The following PCDH15 variants were observed in gnomAD, a reference collection of about 807,000 sequenced individuals.
PCDH15 encodes protocadherin-15.
PCDH15 carries 129 observed loss-of-function variants against 178.5 expected under a neutral mutation model. The ratio of observed to expected loss-of-function variants is 0.72; its 90% confidence interval spans 0.63 to 0.84. The LOEUF (loss-of-function observed/expected upper bound fraction) is 0.84. Among genes scored for constraint, PCDH15 ranks in the 40% least tolerant of loss-of-function variants. The pLI, the probability that PCDH15 is intolerant of heterozygous loss-of-function variation, is 0.00. For synonymous variants in PCDH15, 800 were observed against 732.0 expected (o/e 1.09, Z -1.50); for missense variants, 2,230 against 2,099.9 (o/e 1.06, Z -1.21).
In PCDH15 at chr10:54,245,084, G is replaced by A. The variant is rs1005436724; in HGVS notation, c.877-8153C>T. Among the ~76,000 whole-genome samples the A allele has an allele frequency of 2.6e-5, 4 of 152,114 alleles. No individual in the cohort carries two copies. In the East Asian group the frequency reaches 7.8e-4, roughly 30 times the overall value. On this transcript the variant is annotated intron_variant, in intron 8 of 37. Transcript: ENST00000644397. ...GCAGGGACTGTGTGAGCACTCCCTA[G>A]GTTTTTCACCCTCAATCTCTCCATA...
chr10:55,155,275 T>C (rs1332171289), intron 2 of PCDH15, among the ~76,000 whole-genome samples: 5 of 151,540 alleles, frequency 3.3e-5, no homozygotes, highest in Non-Finnish European at 7.4e-5. Flanking sequence ...TCTCTCTGTT[T>C]ACTTTCTTAT....
Position 53,805,566 on chromosome 10 carries a change from G to GAAGT in PCDH15, c.*1009_*1012dup, listed in dbSNP as rs1260458985. The GAAGT allele has an allele frequency of 6.6e-5, 10 of 152,058 alleles. No individual in the cohort carries two copies. The highest frequency in any genetic ancestry group is 1.0e-4 in the Non-Finnish European group (7 of 67,978). The allele number at this position is 152,058 out of a possible 1,614,324, so 9.4% of individuals were successfully genotyped here. A position where few individuals can be genotyped will look rare whatever the true frequency, so the allele number is the denominator to read the frequency against. On this transcript the variant is annotated 3_prime_UTR_variant, in exon 38 of 38. Transcript: ENST00000644397. ...TTCTATAAATAACCTGAAAATGGAA[G>GAAGT]AAGTTAAACACAACATTTGAAGTTA... is the stretch of plus-strand genomic sequence containing the variant.
intron 2 of PCDH15, among the ~76,000 whole-genome samples, chr10:54,577,896 A>G (rs1049792580): frequency 6.7e-6 from 1 of 149,608 alleles, no homozygotes; most frequent in Non-Finnish European, 1.5e-5. Context: ...ATAAATAAAT[A>G]TTCCTCTTCC....
At chr10:55,007,481 T>A (rs1419049718) in intron 2 of PCDH15, among the ~76,000 whole-genome samples, 1 of 152,186 alleles carries the variant, frequency 6.6e-6, no homozygotes, top group African/African-American at 2.4e-5. Flanking sequence ...GATAAACTAA[T>A]ATTGTCAAAA....
chr10:54,250,610 CTAG>C (rs1186590013), intron 8 of PCDH15, among the ~76,000 whole-genome samples: 1 of 152,004 alleles, frequency 6.6e-6, no homozygotes, highest in East Asian at 1.9e-4. Context: ...CAGGTTTTCT[CTAG>C]TAGAAGAGAG....
At chr10:54,482,573 A>G (rs982727422) in intron 3 of PCDH15, among the ~76,000 whole-genome samples, 3 of 151,766 alleles carry the variant, frequency 2.0e-5, no homozygotes, top group African/African-American at 7.2e-5. Flanking sequence ...CTTGCACCTC[A>G]ATTTCTCAGA....
intron 2 of PCDH15, among the ~76,000 whole-genome samples, chr10:55,082,199 T>C (rs898821530): frequency 2.6e-5 from 4 of 151,914 alleles, no homozygotes; most frequent in African/African-American, 9.7e-5. Flanking sequence ...CTTTAAAAAT[T>C]CAAAAAATTA....
intron 6 of PCDH15, among the ~76,000 whole-genome samples, chr10:54,343,410 C>T (rs1277702230): frequency 6.6e-6 from 1 of 151,964 alleles, no homozygotes. Context: ...TGTAAGTTTC[C>T]TGAGGCCTTC....
At chr10:54,518,426 C>G (rs1334766811) in intron 3 of PCDH15, among the ~76,000 whole-genome samples, 1 of 152,120 alleles carries the variant, frequency 6.6e-6, no homozygotes, top group Non-Finnish European at 1.5e-5. Context: ...GAGAATACTA[C>G]AAACACCTCT....
chr10:55,589,273 T>G (rs1842789045), intron 2 of PCDH15, among the ~76,000 whole-genome samples: 2 of 152,112 alleles, frequency 1.3e-5, no homozygotes, highest in Non-Finnish European at 1.5e-5. Context: ...TTTCTACATA[T>G]GGCTAGCCAG....
intron 37 of PCDH15, chr10:53,809,263 A>G (rs1192098156): frequency 3.2e-5 from 52 of 1,613,910 alleles, no homozygotes; most frequent in Non-Finnish European, 4.4e-5. Flanking sequence ...CTCTGATTCT[A>G]CAGTGCTTTC....
intron 2 of PCDH15, among the ~76,000 whole-genome samples, chr10:55,492,840 A>G (rs1840448322): frequency 6.6e-6 from 1 of 151,824 alleles, no homozygotes; most frequent in Non-Finnish European, 1.5e-5. Context: ...AATGTCTTAC[A>G]AAATATATGC....
intron 2 of PCDH15, among the ~76,000 whole-genome samples, chr10:55,520,200 G>A (rs1281516401): frequency 1.8e-4 from 6 of 32,656 alleles, no homozygotes; most frequent in Non-Finnish European, 3.3e-4. Flanking sequence ...ATATATACAC[G>A]CAATGTGTAT....
At chr10:55,130,672 C>T (rs1306769855) in intron 2 of PCDH15, among the ~76,000 whole-genome samples, 1 of 129,362 alleles carries the variant, frequency 7.7e-6, no homozygotes, top group Non-Finnish European at 1.6e-5. Flanking sequence ...TGTATAAACA[C>T]ACATACACGT....
chr10:55,255,525 C>A (rs1386386124), intron 1 of PCDH15, among the ~76,000 whole-genome samples: 1 of 152,208 alleles, frequency 6.6e-6, no homozygotes, highest in Non-Finnish European at 1.5e-5. Flanking sequence ...GAGGAATCGC[C>A]ACACTGACTT....
At chr10:54,102,455 C>A (rs2094830248) in intron 15 of PCDH15, among the ~76,000 whole-genome samples, 1 of 152,188 alleles carries the variant, frequency 6.6e-6, no homozygotes, top group Non-Finnish European at 1.5e-5. Context: ...ATTGGAGTCA[C>A]CACTTCATTA....
At chr10:55,298,579 C>T (rs1345175914) in intron 1 of PCDH15, among the ~76,000 whole-genome samples, 3 of 151,756 alleles carry the variant, frequency 2.0e-5, no homozygotes, top group South Asian at 4.2e-4. Context: ...TGGATAGTGT[C>T]GACTTATTTA....
At chr10:53,966,981 G>T (rs1216588394) in intron 21 of PCDH15, among the ~76,000 whole-genome samples, 1 of 152,008 alleles carries the variant, frequency 6.6e-6, no homozygotes, top group Non-Finnish European at 1.5e-5. Flanking sequence ...ATAGCTCACT[G>T]CAGCTCACAC....
At chr10:54,961,646 C>G (rs186772984) in intron 2 of PCDH15, among the ~76,000 whole-genome samples, 190 of 152,316 alleles carry the variant, frequency 1.2e-3, no homozygotes, top group African/African-American at 4.4e-3. Flanking sequence ...CTGGAAGGAG[C>G]TACCCACTTC....
Sources: gnomAD v4.1 joint callset for allele counts (sites outside exome capture counted in the v4.1 genomes callset) on GRCh38, gnomAD v4.1.1 for gene constraint, MANE v1.5 for transcripts, NCBI Gene and HGNC (gene_info 2026-07-23, HGNC 2026-07-21) for gene names.